The following SUCLG2 variants were observed in gnomAD, a reference collection of about 807,000 sequenced individuals.
SUCLG2 encodes succinate--CoA ligase [GDP-forming] subunit beta, mitochondrial.
In SUCLG2, 42 loss-of-function variants were observed where a neutral mutation model predicts 47.9. That is an observed-to-expected ratio of 0.88 (90% CI 0.69 to 1.14). SUCLG2 has a LOEUF of 1.14. Among genes scored for constraint, SUCLG2 ranks in the 50% most tolerant of loss-of-function variants. SUCLG2 has a pLI of 0.00. For synonymous variants in SUCLG2, 195 were observed against 197.3 expected (o/e 0.99, Z 0.10); for missense variants, 571 against 525.9 (o/e 1.09, Z -0.84).
intron 5 of SUCLG2, among the ~76,000 whole-genome samples, chr3:67,519,576 G>A (rs908712262): frequency 7.9e-5 from 12 of 152,034 alleles, no homozygotes; most frequent in Non-Finnish European, 1.8e-4. Flanking sequence ...AACCTGTTGA[G>A]GATGCTAAGT....
At chr3:67,524,577 T>C (rs1490347863) in intron 4 of SUCLG2, among the ~76,000 whole-genome samples, 3 of 152,194 alleles carry the variant, frequency 2.0e-5, no homozygotes, top group Admixed American at 2.0e-4. Context: ...ATATCTGATG[T>C]GTATAAATGT....
At chr3:67,399,811 A>G (rs1414541684) in intron 10 of SUCLG2, among the ~76,000 whole-genome samples, 2 of 152,212 alleles carry the variant, frequency 1.3e-5, no homozygotes, top group African/African-American at 2.4e-5. Context: ...ATGGAAACTA[A>G]TTTTCAATAA....
chr3:67,488,706 T>C (rs1705127186), intron 9 of SUCLG2, among the ~76,000 whole-genome samples: 1 of 152,220 alleles, frequency 6.6e-6, no homozygotes, highest in Admixed American at 6.6e-5. Context: ...TGTTTTCTAA[T>C]TGTTGCATTC....
intron 9 of SUCLG2, among the ~76,000 whole-genome samples, chr3:67,446,582 A>G (rs1409541067): frequency 6.6e-6 from 1 of 150,678 alleles, no homozygotes. Context: ...GGCGCCTGCC[A>G]CCACGCCTGG....
intron 2 of SUCLG2, 44 bp downstream of exon 2, chr3:67,609,411 A>C: frequency 6.3e-7 from 1 of 1,584,958 alleles, no homozygotes; most frequent in East Asian, 2.2e-5. Flanking sequence ...CTGTGAATTC[A>C]CTGATTTGGG....
rs139101010 is a variant in SUCLG2 at position 67,605,843 on chromosome 3, C to G, written c.226+3612G>C. ...TTTACTTCAAATTGCTTTATTGTCT[C>G]TTTTTTTCCCTCCCTTGTCCCAGCC... is the stretch of plus-strand genomic sequence containing the variant. On this transcript the variant is annotated intron_variant, in intron 2 of 10. Transcript: ENST00000307227. Among the ~76,000 whole-genome samples, 30 of 152,196 alleles carry G rather than the reference C, an allele frequency of 2.0e-4. No individual in the cohort carries two copies. The East Asian group carries it at 5.4e-3, about 27-fold the overall frequency.
At chr3:67,560,883 G>C (rs1459299109) in intron 2 of SUCLG2, among the ~76,000 whole-genome samples, 1 of 151,636 alleles carries the variant, frequency 6.6e-6, no homozygotes, top group African/African-American at 2.4e-5. Context: ...TTAGGTGTCA[G>C]TGATCAATTA....
chr3:67,547,670 A>G (rs1706903367), intron 2 of SUCLG2, among the ~76,000 whole-genome samples: 1 of 152,202 alleles, frequency 6.6e-6, no homozygotes, highest in Non-Finnish European at 1.5e-5. Context: ...AAAACAGAAT[A>G]ACTCCAGAAA....
chr3:67,603,326 T>C (rs939030171), intron 2 of SUCLG2, among the ~76,000 whole-genome samples: 6 of 152,238 alleles, frequency 3.9e-5, no homozygotes, highest in African/African-American at 1.4e-4. Context: ...TAATTGACTA[T>C]GGGATTAATA....
At chr3:67,587,900 A>G (rs1708064985) in intron 2 of SUCLG2, among the ~76,000 whole-genome samples, 1 of 152,178 alleles carries the variant, frequency 6.6e-6, no homozygotes, top group Non-Finnish European at 1.5e-5. Flanking sequence ...GAGCTTTATA[A>G]TATTTTCCTA....
chr3:67,494,108 T>C (rs1247096416), intron 9 of SUCLG2, among the ~76,000 whole-genome samples: 2 of 152,186 alleles, frequency 1.3e-5, no homozygotes, highest in Non-Finnish European at 2.9e-5. Flanking sequence ...ACAAGTGTAC[T>C]ACCAATATAA....
chr3:67,595,939 C>CA (rs1334726289), intron 2 of SUCLG2, among the ~76,000 whole-genome samples: 1 of 152,152 alleles, frequency 6.6e-6, no homozygotes, highest in Non-Finnish European at 1.5e-5. Context: ...AAAGGTAAAA[C>CA]AAGATGAATG....
chr3:67,379,752 T>C (rs1702112175), intron 10 of SUCLG2, among the ~76,000 whole-genome samples: 3 of 152,224 alleles, frequency 2.0e-5, no homozygotes, highest in Admixed American at 2.0e-4. Context: ...CACCCATTCA[T>C]TCACAAGGCA....
intron 1 of SUCLG2, among the ~76,000 whole-genome samples, chr3:67,614,574 G>T (rs1700590583): frequency 6.6e-6 from 1 of 151,864 alleles, no homozygotes; most frequent in South Asian, 2.1e-4. Context: ...TCTATTAAAT[G>T]ACCTCACAAA....
At chr3:67,383,606 G>A (rs1448418106) in intron 10 of SUCLG2, among the ~76,000 whole-genome samples, 1 of 152,176 alleles carries the variant, frequency 6.6e-6, no homozygotes, top group African/African-American at 2.4e-5. Context: ...AGCTCCAGTG[G>A]CAGGAAGCCA....
At chr3:67,374,651 A>T, downstream of SUCLG2, 1 of 560,700 alleles carries the variant, frequency 1.8e-6, no homozygotes, top group Non-Finnish European at 2.3e-6. Flanking sequence ...CACTAAGACT[A>T]GTGTCTTTGT....
At chr3:67,607,833 A>C (rs540012324) in intron 2 of SUCLG2, among the ~76,000 whole-genome samples, 1 of 152,240 alleles carries the variant, frequency 6.6e-6, no homozygotes, top group East Asian at 1.9e-4. Context: ...TCCCCTGCAC[A>C]AGTTCTCGTC....
chr3:67,475,682 C>T (rs1005890042), intron 9 of SUCLG2, among the ~76,000 whole-genome samples: 20 of 152,084 alleles, frequency 1.3e-4, no homozygotes, highest in South Asian at 2.1e-4. Context: ...GTGTTCACCT[C>T]GCTTCCGCTG....
chr3:67,546,607 C>A (rs1001877648), intron 2 of SUCLG2, among the ~76,000 whole-genome samples: 1 of 152,174 alleles, frequency 6.6e-6, no homozygotes, highest in Non-Finnish European at 1.5e-5. Flanking sequence ...TGGTAGCACA[C>A]GCCTATAATC....
Sources: allele counts gnomAD v4.1 joint callset (sites outside exome capture counted in the v4.1 genomes callset), GRCh38; gene constraint gnomAD v4.1.1; transcripts MANE v1.5; gene names NCBI Gene and HGNC (gene_info 2026-07-23, HGNC 2026-07-21).